SFMBT1: variants seen among roughly 807,000 people sequenced by gnomAD.
SFMBT1 encodes scm-like with four MBT domains protein 1.
SFMBT1 carries 32 observed loss-of-function variants against 108.7 expected under a neutral mutation model. The observed-to-expected ratio is 0.29, with a 90% CI of 0.22 to 0.40. The LOEUF (loss-of-function observed/expected upper bound fraction) is 0.40, where lower values mean the gene tolerates loss of function less well. Among genes scored for constraint, SFMBT1 ranks in the 10% least tolerant of loss-of-function variants. The pLI, the probability that SFMBT1 is intolerant of heterozygous loss-of-function variation, is 1.00. For synonymous variants in SFMBT1, 348 were observed against 369.5 expected, an observed-to-expected ratio of 0.94 and a Z score of 0.67; for missense variants, 816 against 1,059.6, an observed-to-expected ratio of 0.77 and a Z score of 3.19.
chr3:53,043,993 A>G lies in SFMBT1; in HGVS notation c.-131+1823T>C, dbSNP rs143160011. 2.2e-3 allele frequency among the ~76,000 whole-genome samples: 341 copies of G among 152,316 alleles called. 2 individuals are homozygous for G. The highest frequency in any genetic ancestry group is 7.2e-3 in the African/African-American group (300 of 41,564). On this transcript the variant is annotated intron_variant, in intron 1 of 20. Transcript: ENST00000394752. ...AATGGAAAGGATACAAGGCCTGAAA[A>G]TGTTCCATATCTTGATCTGAGTGTG...
chr3:52,911,050 A>G lies in SFMBT1; in HGVS notation c.1859T>C (p.Leu620Pro), dbSNP rs766768225. The G allele has an allele frequency of 6.2e-7, 1 of 1,614,232 alleles. No homozygotes were observed. Among genetic ancestry groups the G allele is most frequent in the Non-Finnish European group, 8.5e-7 (1 of 1,180,038 alleles). The change falls in exon 17 of 21, where the codon CTG (leucine) becomes CCG (proline). Residue 620 changes from leucine (L) to proline (P), a missense_variant. Around this residue, in one of 5 missense-constraint regions of SFMBT1, gnomAD observed 79 missense variants for 120.8 expected, o/e 0.65. Transcript: ENST00000394752. ...CPNLFGPRMV[L>P]DKCSENCSVL... ...AGAACAGTTCTCAGAACACTTATCC[A>G]GAACCATCCGTGGACCGAAGAGGTT...
At chr3:53,021,469 T>G (rs899836473) in intron 1 of SFMBT1, among the ~76,000 whole-genome samples, 1 of 152,208 alleles carries the variant, frequency 6.6e-6, no homozygotes, top group South Asian at 2.1e-4. Flanking sequence ...AAGAGTTAAA[T>G]AAATAAAAGT....
chr3:52,941,720 A>G (rs1703191181), intron 4 of SFMBT1, among the ~76,000 whole-genome samples: 1 of 152,010 alleles, frequency 6.6e-6, no homozygotes, highest in Non-Finnish European at 1.5e-5. Flanking sequence ...AACACAGCGA[A>G]ACTCTGTCTC....
chr3:53,018,905 C>G (rs1333223395), intron 1 of SFMBT1: 2 of 152,620 alleles, frequency 1.3e-5, no homozygotes, highest in African/African-American at 4.8e-5. Context: ...ATCACAAGCT[C>G]TAAAGCTTGG....
chr3:52,906,922 C>T (rs1036885561), intron 19 of SFMBT1, 147 bp downstream of exon 19: 5 of 947,908 alleles, frequency 5.3e-6, no homozygotes, highest in Non-Finnish European at 7.5e-6. Flanking sequence ...TAAATCACTG[C>T]ATTTGGGGTC....
chr3:52,917,391 G>A (rs1702390770), intron 13 of SFMBT1, among the ~76,000 whole-genome samples: 1 of 152,114 alleles, frequency 6.6e-6, no homozygotes, highest in Non-Finnish European at 1.5e-5. Context: ...GAAGAGAGGG[G>A]TCGGGGGGTG....
At position 52,970,282 on chromosome 3, in the gene SFMBT1, A is replaced by T. The variant is rs2106861254; in HGVS notation, c.-130-1024T>A. On this transcript the variant is annotated intron_variant, in intron 1 of 20. Coordinates refer to ENST00000394752, the MANE Select transcript of SFMBT1 (RefSeq NM_016329.4). The stretch of plus-strand genomic sequence containing the variant: ...AAATGCTCACTTGCAGTTCCTTCCT[A>T]TTCCATCCCTAAGCTCAAGCAACCA... Among the ~76,000 whole-genome samples, 2 of 152,266 alleles carry T rather than the reference A, an allele frequency of 1.3e-5. 1 individual carries two copies. The highest frequency in any genetic ancestry group is 4.1e-4 in the South Asian group (2 of 4,828).
chr3:52,925,714 CA>C (rs1285555686), intron 10 of SFMBT1, among the ~76,000 whole-genome samples: 1 of 152,194 alleles, frequency 6.6e-6, no homozygotes, highest in African/African-American at 2.4e-5. Context: ...ATAAGCTTAA[CA>C]ATTTTTCTCC....
intron 4 of SFMBT1, among the ~76,000 whole-genome samples, chr3:52,938,002 T>C (rs1703068761): frequency 6.6e-6 from 1 of 152,208 alleles, no homozygotes. Flanking sequence ...TACAATAACA[T>C]ATCCTGAGCC....
chr3:53,024,629 C>T (rs548840731), intron 1 of SFMBT1, among the ~76,000 whole-genome samples: 132 of 152,204 alleles, frequency 8.7e-4, no homozygotes, highest in African/African-American at 3.1e-3. Flanking sequence ...AAGAGGCTCC[C>T]GAAATAATCC....
chr3:53,001,746 C>G (rs1370643057), intron 1 of SFMBT1, among the ~76,000 whole-genome samples: 1 of 146,770 alleles, frequency 6.8e-6, no homozygotes, highest in Non-Finnish European at 1.5e-5. Flanking sequence ...GAGATCCTAT[C>G]TCTACCAAAA....
chr3:53,021,133 C>T (rs1160899214), intron 1 of SFMBT1, among the ~76,000 whole-genome samples: 3 of 152,202 alleles, frequency 2.0e-5, no homozygotes, highest in Non-Finnish European at 4.4e-5. Context: ...TAAACTTAAT[C>T]TATTCGTAAA....
intron 1 of SFMBT1, among the ~76,000 whole-genome samples, chr3:52,982,636 G>C (rs58867063): frequency 1.1e-3 from 162 of 150,038 alleles, no homozygotes; most frequent in African/African-American, 3.5e-3. Context: ...GGCTAAGGCA[G>C]GAGAATCGCT....
At chr3:52,914,793 C>A (rs980149986) in intron 14 of SFMBT1, among the ~76,000 whole-genome samples, 2 of 152,136 alleles carry the variant, frequency 1.3e-5, no homozygotes, top group African/African-American at 4.8e-5. Context: ...GGCCAGTATG[C>A]TGGTGCTCAC....
intron 1 of SFMBT1, among the ~76,000 whole-genome samples, chr3:53,004,579 C>A (rs1157436870): frequency 6.7e-6 from 1 of 149,862 alleles, no homozygotes; most frequent in Admixed American, 6.7e-5. Flanking sequence ...GCCATTCTTT[C>A]TTTTTTAAAG....
Position 52,937,517 on chromosome 3 carries a change from G to C in SFMBT1, c.365-2616C>G, listed in dbSNP as rs530651063. On this transcript the variant is annotated intron_variant, in intron 4 of 20. Transcript: ENST00000394752. ...AAATAAGGTACATTCATAAAATTTA[G>C]CTTCTATTCCTACCTCCTTCATTCT... is the stretch of plus-strand genomic sequence containing the variant. Among the ~76,000 whole-genome samples, 8 of 152,056 alleles carry C rather than the reference G, an allele frequency of 5.3e-5. No individual in the cohort carries two copies. In the East Asian group the frequency reaches 1.4e-3, roughly 26 times the overall value.
Position 53,026,517 on chromosome 3 carries a change from G to A in SFMBT1, c.-131+19299C>T, listed in dbSNP as rs577576929. Reference sequence around the variant, plus strand: ...CTCAACAGAGAATACAAAGTAAAAAGGCTGAGGCCCTTTAAGGATAGCTGG... The same window carrying A: ...CTCAACAGAGAATACAAAGTAAAAAAGCTGAGGCCCTTTAAGGATAGCTGG... On this transcript the variant is annotated intron_variant, in intron 1 of 20. Transcript: ENST00000394752. Among the ~76,000 whole-genome samples the A allele has an allele frequency of 3.8e-3, 523 of 136,532 alleles. 4 individuals carry two copies. Among genetic ancestry groups the A allele is most frequent in the Non-Finnish European group, 6.5e-3 (412 of 63,374 alleles). The allele number at this position is 136,532 out of a possible 152,430, so 89.6% of individuals were successfully genotyped here.
chr3:53,024,469 C>G (rs1699418221), intron 1 of SFMBT1, among the ~76,000 whole-genome samples: 1 of 150,036 alleles, frequency 6.7e-6, no homozygotes, highest in Non-Finnish European at 1.5e-5. Flanking sequence ...GAGGGCCGGC[C>G]ATGAGAGCCT....
intron 12 of SFMBT1, among the ~76,000 whole-genome samples, chr3:52,919,764 C>G (rs1020209030): frequency 4.6e-5 from 7 of 152,224 alleles, no homozygotes; most frequent in African/African-American, 1.7e-4. Context: ...GAGAGGCCCA[C>G]ATGGCAACGA....
Sources: gnomAD v4.1 joint callset for allele counts (sites outside exome capture counted in the v4.1 genomes callset) on GRCh38, gnomAD v4.1.1 for gene constraint, gnomAD v4.1.1 regional missense constraint, MANE v1.5 for transcripts, NCBI Gene and HGNC (gene_info 2026-07-23, HGNC 2026-07-21) for gene names.